Variants in EPHX2 observed in about 807,000 individuals in gnomAD.
EPHX2 encodes the protein epoxide hydrolase 2.
Under a neutral mutation model 78.7 loss-of-function variants are expected in EPHX2, and 74 were observed. The observed-to-expected ratio is 0.94, with a 90% confidence interval of 0.78 to 1.14. The LOEUF is 1.14. Ranked by LOEUF, EPHX2 falls within the 50% of genes most tolerant of loss-of-function variation. EPHX2 has a pLI of 0.00. For missense variants in EPHX2, 715 were observed against 702.5 expected (o/e 1.02, Z -0.20); for synonymous variants, 251 against 255.2 (o/e 0.98, Z 0.16).
chr8:27,501,477 C>T (rs1813802526), intron 2 of EPHX2, among the ~76,000 whole-genome samples: 2 of 151,608 alleles, frequency 1.3e-5, no homozygotes, highest in East Asian at 1.9e-4. Context: ...GATCATGGCT[C>T]ACTGCAGCCT....
chr8:27,510,813 G>T (rs1202555728), intron 5 of EPHX2, among the ~76,000 whole-genome samples: 2 of 152,100 alleles, frequency 1.3e-5, no homozygotes, highest in African/African-American at 4.8e-5. Context: ...GCTGGCCGTG[G>T]TAGTGCACAC....
At chr8:27,534,393 GTA>G (rs1421568385) in intron 12 of EPHX2, among the ~76,000 whole-genome samples, 1 of 152,172 alleles carries the variant, frequency 6.6e-6, no homozygotes, top group Non-Finnish European at 1.5e-5. Context: ...GCTCATGCCT[GTA>G]ATCCCAGCAC....
At chr8:27,518,715 C>T (rs1345164267) in intron 9 of EPHX2, among the ~76,000 whole-genome samples, 1 of 152,256 alleles carries the variant, frequency 6.6e-6, no homozygotes, top group African/African-American at 2.4e-5. Context: ...AGTCACAGCC[C>T]TGTGGGGGCT....
chr8:27,543,862 T>C, intron 17 of EPHX2, 33 bp downstream of exon 17: 1 of 1,611,454 alleles, frequency 6.2e-7, no homozygotes, highest in Non-Finnish European at 8.5e-7. Context: ...GGGTCATCAG[T>C]GCACCCCGGG....
chr8:27,537,912 A>G (rs1415972426), intron 13 of EPHX2, among the ~76,000 whole-genome samples: 1 of 152,090 alleles, frequency 6.6e-6, no homozygotes. Context: ...CTTCAGCAGT[A>G]CTTAATCTGT....
downstream of EPHX2, among the ~76,000 whole-genome samples, chr8:27,547,168 G>A (rs541698394): frequency 1.3e-5 from 2 of 152,304 alleles, no homozygotes; most frequent in East Asian, 3.9e-4. Flanking sequence ...GGTGGGGACA[G>A]AAATCCAAAC....
At chr8:27,497,396 A>G (rs1813610307) in intron 1 of EPHX2, among the ~76,000 whole-genome samples, 1 of 152,184 alleles carries the variant, frequency 6.6e-6, no homozygotes, top group Non-Finnish European at 1.5e-5. Context: ...ACTGATAACA[A>G]GCCCTACTGG....
chr8:27,496,888 T>G (rs1399267515), intron 1 of EPHX2, among the ~76,000 whole-genome samples: 1 of 152,146 alleles, frequency 6.6e-6, no homozygotes, highest in African/African-American at 2.4e-5. Context: ...GGTAACTTGT[T>G]CCCCATATTT....
At position 27,544,649 on chromosome 8, in the gene EPHX2, C is replaced by A; in HGVS notation, c.*127C>A. 3 of 927,544 alleles carry A rather than the reference C, an allele frequency of 3.2e-6. No individual in the cohort carries two copies. Among genetic ancestry groups the A allele is most frequent in the South Asian group, 1.5e-5 (1 of 66,490 alleles). The allele number at this position is 927,544 out of a possible 1,614,324, so 57.5% of individuals were successfully genotyped here. A position where few individuals can be genotyped will look rare whatever the true frequency, so the allele number is the denominator to read the frequency against. On this transcript the variant is annotated 3_prime_UTR_variant, in exon 19 of 19. Coordinates refer to ENST00000521400, the MANE Select transcript of EPHX2 (RefSeq NM_001979.6). ...GGCAGCATTGTTCTGAAGGGGTTTG[C>A]AGAAAAAAAAGATTTTCTTTACATA...
rs112182784 is a variant in EPHX2, at chr8:27,544,856, G to A, written c.*334G>A. 285 of 307,260 alleles carry A rather than the reference G, an allele frequency of 9.3e-4. 1 individual carries two copies. The highest frequency in any genetic ancestry group is 5.3e-3 in the African/African-American group (246 of 46,688). 19.0% of individuals were successfully genotyped at this position (307,260 alleles called of 1,614,324 possible). A position where few individuals can be genotyped will look rare whatever the true frequency, so the allele number is the denominator to read the frequency against. ...GCATAGTTTGGCAGAAAAATCAGCC[G>A]TTCATTTAGAAGAATCTTAGCAGAG... On this transcript the variant is annotated 3_prime_UTR_variant, in exon 19 of 19. Coordinates refer to ENST00000521400, the MANE Select transcript of EPHX2 (RefSeq NM_001979.6).
chr8:27,535,959 G>C (rs572724624), intron 12 of EPHX2, among the ~76,000 whole-genome samples: 3 of 152,334 alleles, frequency 2.0e-5, no homozygotes, highest in African/African-American at 7.2e-5. Flanking sequence ...CAGTTTGCCA[G>C]AGAAGGAGCT....
chr8:27,522,942 C>T (rs78844235), intron 11 of EPHX2, among the ~76,000 whole-genome samples: 2,849 of 101,138 alleles, frequency 0.028, 105 homozygotes, highest in African/African-American at 0.1. Context: ...GCCTGGGTGA[C>T]AAGAGTGAAA....
intron 6 of EPHX2, among the ~76,000 whole-genome samples, chr8:27,514,778 G>T (rs1200955420): frequency 2.0e-5 from 3 of 152,038 alleles, no homozygotes; most frequent in Admixed American, 6.5e-5. Context: ...GGAGACACTG[G>T]CCGGAGCTCA....
chr8:27,543,014 C>A (rs1315365863), intron 16 of EPHX2, among the ~76,000 whole-genome samples: 2 of 135,954 alleles, frequency 1.5e-5, no homozygotes, highest in Non-Finnish European at 3.2e-5. Context: ...TCTCCCCCCC[C>A]CGCCCCCCGC....
chr8:27,505,009 G>A lies in EPHX2; in HGVS notation c.400G>A (p.Asp134Asn). ...CTGGCTGGACGACCGTGCTGAGAGA[G>A]ATGGCCTGGCCCAGCTGATGTGTGA... is the stretch of plus-strand genomic sequence containing the variant. ...NTWLDDRAER[D>N]GLAQLMCELK... Residue 134 changes from aspartate to asparagine, a missense_variant, in exon 4 of 19, where the codon GAT (aspartate) becomes AAT (asparagine). Transcript: ENST00000521400. The A allele has an allele frequency of 6.2e-7, 1 of 1,614,130 alleles. No individual in the cohort carries two copies. The highest frequency in any genetic ancestry group is 8.5e-7 in the Non-Finnish European group (1 of 1,180,010).
intron 14 of EPHX2, 118 bp downstream of exon 14, chr8:27,538,810 C>A: frequency 8.3e-7 from 1 of 1,209,350 alleles, no homozygotes; most frequent in Non-Finnish European, 1.2e-6. Context: ...CTTTAAGTTG[C>A]CCAACCAGGG....
chr8:27,500,869 C>T, intron 1 of EPHX2, 57 bp from the exon 2 acceptor site: 1 of 1,473,652 alleles, frequency 6.8e-7, no homozygotes, highest in Admixed American at 1.7e-5. Context: ...TGTCTGTTTC[C>T]ATGTGCTGCC....
intron 1 of EPHX2, among the ~76,000 whole-genome samples, chr8:27,495,807 A>G (rs1375953365): frequency 6.6e-6 from 1 of 152,220 alleles, no homozygotes; most frequent in East Asian, 1.9e-4. Context: ...TAAGGACTCC[A>G]AGAGCTATTC....
intron 16 of EPHX2, 136 bp from the exon 17 acceptor site, chr8:27,543,613 C>T: frequency 2.6e-6 from 2 of 777,158 alleles, no homozygotes; most frequent in South Asian, 3.5e-5. Context: ...CAGTAATAAC[C>T]ACGAGTCTGT....
Sources: gnomAD v4.1 joint callset for allele counts (sites outside exome capture counted in the v4.1 genomes callset) on GRCh38, gnomAD v4.1.1 for gene constraint, MANE v1.5 for transcripts, NCBI Gene and HGNC (gene_info 2026-07-23, HGNC 2026-07-21) for gene names.